The following BRCA2 variants were observed in gnomAD, a reference collection of about 807,000 sequenced individuals.
BRCA2 encodes breast cancer type 2 susceptibility protein.
Under a neutral mutation model 276.7 loss-of-function variants are expected in BRCA2, and 203 were observed. The observed-to-expected ratio is 0.73, with a 90% CI of 0.65 to 0.82. BRCA2 has a LOEUF of 0.82. Ranked by LOEUF, BRCA2 falls within the 40% of genes least tolerant of loss-of-function variation. The pLI is 0.00. For synonymous variants in BRCA2, 1,289 were observed against 1,338.4 expected (o/e 0.96, Z 0.81); for missense variants, 3,920 against 3,915.0 (o/e 1.00, Z -0.03).
At chr13:32,352,048 A>T (rs990159501) in intron 13 of BRCA2, among the ~76,000 whole-genome samples, 3 of 152,028 alleles carry the variant, frequency 2.0e-5, no homozygotes, top group Admixed American at 1.3e-4. Context: ...TGATCCGCCC[A>T]CCTTGGCCTC....
At chr13:32,394,305 T>G (rs1285410682) in intron 24 of BRCA2, among the ~76,000 whole-genome samples, 1 of 152,236 alleles carries the variant, frequency 6.6e-6, no homozygotes, top group Non-Finnish European at 1.5e-5. Flanking sequence ...TTTACTATTA[T>G]TAGAGGTCTA....
chr13:32,340,170 T>C lies in BRCA2; in HGVS notation c.5815T>C (p.Leu1939=), dbSNP rs1171546018. Residue 1939 remains leucine (L), a synonymous_variant, in exon 11 of 27, where the codon TTG becomes CTG. Transcript: ENST00000380152. Reference sequence around the variant, plus strand: ...ACAACATAACCAAAATATGTCTGGATTGGAGAAAGTTTCTAAAATATCACC... The same window carrying C: ...ACAACATAACCAAAATATGTCTGGACTGGAGAAAGTTTCTAAAATATCACC... The part of the protein sequence containing the change: ...ILQHNQNMSG[L]EKVSKISPCD... The C allele has an allele frequency of 1.9e-6, 3 of 1,613,056 alleles. No individual in the cohort carries two copies. Among genetic ancestry groups the C allele is most frequent in the East Asian group, 2.2e-5 (1 of 44,856 alleles).
At chr13:32,325,804 T>G (rs2072341019) in intron 4 of BRCA2, among the ~76,000 whole-genome samples, 1 of 152,212 alleles carries the variant, frequency 6.6e-6, no homozygotes, top group Non-Finnish European at 1.5e-5. Context: ...CCTCCCAGAC[T>G]GCTGGGATTA....
intron 21 of BRCA2, among the ~76,000 whole-genome samples, chr13:32,377,455 G>A (rs1297445584): frequency 1.3e-5 from 2 of 152,000 alleles, no homozygotes; most frequent in Admixed American, 1.3e-4. Context: ...GCCAGGCGTG[G>A]TGCACATGCC....
intron 19 of BRCA2, 64 bp downstream of exon 19, chr13:32,370,621 T>G: frequency 6.5e-7 from 1 of 1,545,408 alleles, no homozygotes; most frequent in Non-Finnish European, 8.9e-7. Flanking sequence ...TTTGTTTGTT[T>G]GTTTGAGATG....
chr13:32,322,188 T>TA (rs1162466623), intron 3 of BRCA2, among the ~76,000 whole-genome samples: 1 of 152,270 alleles, frequency 6.6e-6, no homozygotes, highest in African/African-American at 2.4e-5. Context: ...CTGATCTTTT[T>TA]ACTGTCTGTA....
At chr13:32,370,687 A>G in intron 19 of BRCA2, 130 bp downstream of exon 19, 1 of 1,063,240 alleles carries the variant, frequency 9.4e-7, no homozygotes, top group South Asian at 1.4e-5. Context: ...GGTTCACTGC[A>G]GCCTCCACCT....
Position 32,344,731 on chromosome 13 carries a change from C to G in BRCA2, c.6937+78C>G, listed in dbSNP as rs1239134504. On this transcript the variant is annotated intron_variant, in intron 12 of 26. Coordinates refer to ENST00000380152, the MANE Select transcript of BRCA2 (RefSeq NM_000059.4). ...AATATTCTGACCTCAGGTGATCCAC[C>G]TGCCTCTCAAAGTGCTGGGATTACA... 3.1e-5 allele frequency: 32 copies of G among 1,035,040 alleles called. No homozygotes were observed. In the South Asian group the frequency reaches 4.1e-4, roughly 13 times the overall value. 64.1% of individuals were successfully genotyped at this position (1,035,040 alleles called of 1,614,324 possible). A position where few individuals can be genotyped will look rare whatever the true frequency, so the allele number is the denominator to read the frequency against.
At chr13:32,377,355 A>C (rs927625462) in intron 21 of BRCA2, among the ~76,000 whole-genome samples, 1 of 152,236 alleles carries the variant, frequency 6.6e-6, no homozygotes, top group African/African-American at 2.4e-5. Context: ...ACTTTGGGAG[A>C]CCGAGGCAGA....
At chr13:32,360,429 G>A (rs926552545) in intron 16 of BRCA2, among the ~76,000 whole-genome samples, 2 of 151,966 alleles carry the variant, frequency 1.3e-5, no homozygotes, top group Non-Finnish European at 2.9e-5. Context: ...GTGCAATCTC[G>A]GCTCACTGCA....
chr13:32,328,904 C>G (rs1239036689), intron 7 of BRCA2, among the ~76,000 whole-genome samples: 1 of 151,988 alleles, frequency 6.6e-6, no homozygotes, highest in African/African-American at 2.4e-5. Context: ...ATTTAAAAAA[C>G]TAGGTTGTAC....
chr13:32,399,705 C>CTCTG lies in BRCA2; in HGVS notation c.*935_*936insTCTG, dbSNP rs1479863143. The CTCTG allele has an allele frequency of 1.2e-5, 2 of 170,590 alleles. No individual in the cohort carries two copies. The highest frequency in any genetic ancestry group is 2.5e-5 in the Non-Finnish European group (2 of 78,588). The allele number at this position is 170,590 out of a possible 1,614,324, so 10.6% of individuals were successfully genotyped here. On this transcript the variant is annotated 3_prime_UTR_variant, in exon 27 of 27. Transcript: ENST00000380152. ...CTTTATTTTTAGCGCTATCACAGGA[C>CTCTG]CCAGAGCCTATGCCCTTTTAAACTT...
chr13:32,384,239 A>G (rs1245492506), intron 24 of BRCA2, among the ~76,000 whole-genome samples: 2 of 152,210 alleles, frequency 1.3e-5, no homozygotes, highest in Admixed American at 1.3e-4. Context: ...CTGCAGGGGC[A>G]ACTGTACAGG....
intron 15 of BRCA2, among the ~76,000 whole-genome samples, chr13:32,357,284 T>C (rs762859566): frequency 1.9e-4 from 29 of 152,204 alleles, no homozygotes; most frequent in Admixed American, 4.6e-4. Context: ...AGTCAAACTC[T>C]GAACAAACAA....
At chr13:32,346,698 T>C in intron 12 of BRCA2, 129 bp from the exon 13 acceptor site, 1 of 645,474 alleles carries the variant, frequency 1.5e-6, no homozygotes, top group Non-Finnish European at 2.6e-6. Context: ...TTAACATTTA[T>C]TGAGCATCTG....
rs2137500263 is a variant in BRCA2, at chr13:32,338,172, T to A, written c.3817T>A (p.Phe1273Ile). Residue 1273 changes from phenylalanine to isoleucine, a missense_variant, in exon 11 of 27, where the codon TTT becomes ATT. Coordinates refer to ENST00000380152, the MANE Select transcript of BRCA2 (RefSeq NM_000059.4). ...ATGTCATGATTCTGTTGTTTCAATG[T>A]TTAAGATAGAAAATCATAATGATAA... The part of the protein sequence containing the change: ...SKCHDSVVSM[F>I]KIENHNDKTV... 1 of 1,578,978 alleles carries A rather than the reference T, an allele frequency of 6.3e-7. No homozygotes were observed. The highest frequency in any genetic ancestry group is 2.2e-5 in the East Asian group (1 of 44,562).
At chr13:32,342,283 A>C (rs1344175124) in intron 11 of BRCA2, among the ~76,000 whole-genome samples, 1 of 152,060 alleles carries the variant, frequency 6.6e-6, no homozygotes. Flanking sequence ...AAAAAAAAAA[A>C]AAAAAGTGTA....
At chr13:32,392,407 T>A (rs1277280536) in intron 24 of BRCA2, among the ~76,000 whole-genome samples, 1 of 152,110 alleles carries the variant, frequency 6.6e-6, no homozygotes, top group Admixed American at 6.6e-5. Flanking sequence ...AACTCTTGGC[T>A]AGGCACAGTG....
chr13:32,319,257 A>G lies in BRCA2; in HGVS notation c.248A>G (p.Glu83Gly), dbSNP rs1555280395. Residue 83 changes from glutamate (E) to glycine (G), a missense_variant, in exon 3 of 27, where the codon GAG (glutamate) becomes GGG (glycine). Glu to Gly is a moderately conservative substitution (Grantham distance 98). Around this residue, in one of 2 missense-constraint regions of BRCA2, gnomAD observed 3,263 missense variants for 3,156.9 expected, o/e 1.03. Coordinates refer to ENST00000380152, the MANE Select transcript of BRCA2 (RefSeq NM_000059.4). ...QLASTPIIFK[E>G]QGLTLPLYQS... The stretch of plus-strand genomic sequence containing the variant: ...GCTTCAACTCCAATAATATTCAAAG[A>G]GCAAGGGCTGACTCTGCCGCTGTAC... 6.2e-7 allele frequency: 1 copy of G among 1,613,938 alleles called. No homozygotes were observed. The highest frequency in any genetic ancestry group is 8.5e-7 in the Non-Finnish European group (1 of 1,179,806).
Sources: gnomAD v4.1 joint callset for allele counts (sites outside exome capture counted in the v4.1 genomes callset) on GRCh38, gnomAD v4.1.1 for gene constraint, gnomAD v4.1.1 regional missense constraint, MANE v1.5 for transcripts, NCBI Gene and HGNC (gene_info 2026-07-23, HGNC 2026-07-21) for gene names.